The following ATXN7L1 variants were observed in gnomAD, a reference collection of about 807,000 sequenced individuals.
The protein encoded by ATXN7L1 is ataxin 7 like 1.
ATXN7L1 carries 15 observed loss-of-function variants against 70.8 expected under a neutral mutation model. The observed-to-expected ratio is 0.21, with a 90% confidence interval of 0.14 to 0.33. The LOEUF is 0.33. ATXN7L1 is among the 10% of genes least tolerant of loss of function. The probability of loss-of-function intolerance (pLI) is 1.00; values close to 1 mark genes in which losing one functional copy is unlikely to be tolerated. For synonymous variants in ATXN7L1, 440 were observed against 445.1 expected (o/e 0.99, Z 0.14); for missense variants, 975 against 1,097.1 (o/e 0.89, Z 1.57).
chr7:105,730,734 A>G (rs1316388309), intron 3 of ATXN7L1, among the ~76,000 whole-genome samples: 1 of 151,790 alleles, frequency 6.6e-6, no homozygotes, highest in Non-Finnish European at 1.5e-5. Context: ...TCCATCTCGA[A>G]AAAAAAAAGA....
Position 105,701,918 on chromosome 7 carries a change from C to T in ATXN7L1, c.356-36630G>A, listed in dbSNP as rs570051287. 8.7e-4 allele frequency among the ~76,000 whole-genome samples: 132 copies of T among 152,148 alleles called. 1 individual carries two copies. The highest frequency in any genetic ancestry group is 1.5e-3 in the Non-Finnish European group (99 of 68,034). ...CACTGGCTTATGGTTTTACTTTTAA[C>T]GTCATGTTCTCTTCCCTGATGGAAT... On this transcript the variant is annotated intron_variant, in intron 3 of 11. Coordinates refer to ENST00000419735, the MANE Select transcript of ATXN7L1 (RefSeq NM_020725.2).
intron 2 of ATXN7L1, among the ~76,000 whole-genome samples, chr7:105,797,283 G>A (rs1806135534): frequency 6.6e-6 from 1 of 152,216 alleles, no homozygotes. Context: ...AGAAACACAA[G>A]GGGCAGGTGG....
intron 3 of ATXN7L1, among the ~76,000 whole-genome samples, chr7:105,727,828 T>TTA (rs1348751589): frequency 7.3e-6 from 1 of 136,240 alleles, no homozygotes; most frequent in African/African-American, 2.8e-5. Context: ...AAAGGCAATG[T>TTA]TATATATATG....
At chr7:105,721,856 A>G (rs1214498623) in intron 3 of ATXN7L1, among the ~76,000 whole-genome samples, 1 of 152,052 alleles carries the variant, frequency 6.6e-6, no homozygotes, top group African/African-American at 2.4e-5. Flanking sequence ...CTCAGACCAA[A>G]CTCCTTTGAG....
intron 3 of ATXN7L1, chr7:105,760,313 G>A (rs1007024794): frequency 3.1e-5 from 29 of 928,742 alleles, no homozygotes; most frequent in Non-Finnish European, 3.6e-5. Flanking sequence ...TTAAATTCCT[G>A]CTACAACCAT....
At chr7:105,677,189 T>A (rs1466143492) in intron 3 of ATXN7L1, among the ~76,000 whole-genome samples, 1 of 152,194 alleles carries the variant, frequency 6.6e-6, no homozygotes, top group Non-Finnish European at 1.5e-5. Context: ...CCTGAGGTGA[T>A]TTTCATGCTC....
At chr7:105,623,397 G>A (rs1795219765) in intron 8 of ATXN7L1, among the ~76,000 whole-genome samples, 1 of 152,184 alleles carries the variant, frequency 6.6e-6, no homozygotes, top group Admixed American at 6.5e-5. Flanking sequence ...CAATAAACAA[G>A]CCTCCAGGGG....
intron 3 of ATXN7L1, among the ~76,000 whole-genome samples, chr7:105,694,879 A>C (rs1791503424): frequency 6.6e-6 from 1 of 152,194 alleles, no homozygotes; most frequent in African/African-American, 2.4e-5. Context: ...TCAGCCAGGC[A>C]CGGTGGCTCA....
intron 2 of ATXN7L1, chr7:105,819,929 G>A (rs978219783): frequency 4.0e-6 from 2 of 505,784 alleles, no homozygotes; most frequent in Non-Finnish European, 7.7e-6. Flanking sequence ...GAGGTTTGCT[G>A]TAAGTACCTG....
chr7:105,786,008 A>G (rs1469142454), intron 3 of ATXN7L1, among the ~76,000 whole-genome samples: 1 of 152,198 alleles, frequency 6.6e-6, no homozygotes, highest in Non-Finnish European at 1.5e-5. Flanking sequence ...GGGACACTAA[A>G]AAGTACTCCC....
chr7:105,623,159 G>A (rs185198184), intron 8 of ATXN7L1, among the ~76,000 whole-genome samples: 1 of 152,208 alleles, frequency 6.6e-6, no homozygotes, highest in Non-Finnish European at 1.5e-5. Context: ...AGGAAAGGAA[G>A]TGAACTTGGC....
At chr7:105,733,613 T>C (rs1584871156) in intron 3 of ATXN7L1, among the ~76,000 whole-genome samples, 3 of 119,606 alleles carry the variant, frequency 2.5e-5, no homozygotes, top group African/African-American at 6.6e-5. Context: ...CACCCATCCA[T>C]CCATCCATCC....
chr7:105,787,945 C>G (rs1416513110), intron 3 of ATXN7L1, among the ~76,000 whole-genome samples: 3 of 152,238 alleles, frequency 2.0e-5, no homozygotes, highest in Non-Finnish European at 2.9e-5. Context: ...TAGTCTAAGG[C>G]CAAATGGCTG....
At chr7:105,743,537 C>G (rs572126140) in intron 3 of ATXN7L1, among the ~76,000 whole-genome samples, 1 of 152,158 alleles carries the variant, frequency 6.6e-6, no homozygotes, top group East Asian at 1.9e-4. Context: ...GGGAGCTCTC[C>G]AAGGTTCCCT....
At chr7:105,837,391 C>T (rs544151107) in intron 2 of ATXN7L1, among the ~76,000 whole-genome samples, 78 of 151,922 alleles carry the variant, frequency 5.1e-4, no homozygotes, top group African/African-American at 1.7e-3. Context: ...AACCAAACTA[C>T]CCAATGATAA....
intron 7 of ATXN7L1, 144 bp downstream of exon 7, chr7:105,638,209 T>A (rs1428109211): frequency 1.2e-5 from 14 of 1,173,006 alleles, no homozygotes; most frequent in Middle Eastern, 4.5e-4. Context: ...ATGTACATTA[T>A]CTCATTTAAA....
intron 3 of ATXN7L1, among the ~76,000 whole-genome samples, chr7:105,781,901 A>G (rs1803589589): frequency 6.6e-6 from 1 of 152,152 alleles, no homozygotes; most frequent in East Asian, 1.9e-4. Context: ...GTGCAGGGGC[A>G]CAATCTCAGC....
At chr7:105,664,410 G>A (rs896236949) in intron 4 of ATXN7L1, among the ~76,000 whole-genome samples, 3 of 148,810 alleles carry the variant, frequency 2.0e-5, no homozygotes, top group Non-Finnish European at 4.5e-5. Context: ...TCAGGCATAC[G>A]GTATATACAT....
At chr7:105,608,038 C>G (rs1792836846) in intron 11 of ATXN7L1, 148 bp from the exon 12 acceptor site, 1 of 736,142 alleles carries the variant, frequency 1.4e-6, no homozygotes, top group African/African-American at 1.8e-5. Flanking sequence ...GCTGGAATAG[C>G]AAGAGATGAT....
Sources: allele counts gnomAD v4.1 joint callset (sites outside exome capture counted in the v4.1 genomes callset), GRCh38; gene constraint gnomAD v4.1.1; transcripts MANE v1.5; gene names NCBI Gene and HGNC (gene_info 2026-07-23, HGNC 2026-07-21).